The following PRIM2 variants were observed in gnomAD, a reference collection of about 807,000 sequenced individuals.
PRIM2 encodes the protein DNA primase subunit 2, also known as DNA primase large subunit.
PRIM2 carries 39 observed loss-of-function variants against 67.3 expected under a neutral mutation model. The ratio of observed to expected loss-of-function variants is 0.58; its 90% CI spans 0.45 to 0.76. PRIM2 has a LOEUF of 0.76. Ranked by LOEUF, PRIM2 falls within the 30% of genes least tolerant of loss-of-function variation. The pLI is 0.00. For synonymous variants in PRIM2, 143 were observed against 198.7 expected (o/e 0.72, Z 2.36); for missense variants, 398 against 598.7 (o/e 0.66, Z 3.50).
the PRIM2 span, among the ~76,000 whole-genome samples, chr6:57,269,241 G>A: frequency 6.6e-6 from 1 of 151,684 alleles, no homozygotes; most frequent in Non-Finnish European, 1.5e-5. Context: ...CTAGTTTACA[G>A]TCCCACCAAC....
At chr6:57,326,871 G>A (rs1767879416) in intron 5 of PRIM2, among the ~76,000 whole-genome samples, 1 of 149,270 alleles carries the variant, frequency 6.7e-6, no homozygotes, top group Non-Finnish European at 1.5e-5. Flanking sequence ...ATGGGGATGA[G>A]TATTGGAAAT....
At chr6:57,422,068 C>T (rs1292387730) in intron 7 of PRIM2, among the ~76,000 whole-genome samples, 13 of 151,370 alleles carry the variant, frequency 8.6e-5, no homozygotes, top group African/African-American at 2.2e-4. Context: ...TTTCATCAAA[C>T]GTACAGTTTA....
chr6:57,332,332 G>A (rs1768079965), intron 5 of PRIM2, among the ~76,000 whole-genome samples: 1 of 152,152 alleles, frequency 6.6e-6, no homozygotes, highest in South Asian at 2.1e-4. Flanking sequence ...TGTGAAGAAT[G>A]TGTATCTGCT....
At chr6:57,235,464 C>A in the PRIM2 span, among the ~76,000 whole-genome samples, 62 of 145,986 alleles carry the variant, frequency 4.2e-4, no homozygotes, top group East Asian at 4.1e-4. Context: ...AACTCCATTT[C>A]AAAAAAAAAA....
At chr6:57,445,285 G>T (rs1457080508) in intron 7 of PRIM2, among the ~76,000 whole-genome samples, 2 of 152,112 alleles carry the variant, frequency 1.3e-5, no homozygotes, top group Non-Finnish European at 2.9e-5. Context: ...GACCCTATCA[G>T]GGGACAGAGT....
At chr6:57,433,897 G>A (rs1376361803) in intron 7 of PRIM2, among the ~76,000 whole-genome samples, 1 of 150,404 alleles carries the variant, frequency 6.6e-6, no homozygotes, top group Admixed American at 6.6e-5. Flanking sequence ...TAATAGTTAT[G>A]TGGGACAAGC....
At chr6:57,393,331 T>C (rs1770420176) in intron 7 of PRIM2, among the ~76,000 whole-genome samples, 1 of 152,098 alleles carries the variant, frequency 6.6e-6, no homozygotes, top group South Asian at 2.1e-4. Flanking sequence ...TGTTTTTTGA[T>C]TTTGATTATG....
chr6:57,272,534 TG>T, the PRIM2 span, among the ~76,000 whole-genome samples: 1 of 152,210 alleles, frequency 6.6e-6, no homozygotes, highest in Non-Finnish European at 1.5e-5. Flanking sequence ...ACACATGAGA[TG>T]GGTTTCCTGA....
At chr6:57,610,777 C>T (rs1776653334) in intron 12 of PRIM2, among the ~76,000 whole-genome samples, 1 of 152,166 alleles carries the variant, frequency 6.6e-6, no homozygotes, top group African/African-American at 2.4e-5. Context: ...GACTTCAGCA[C>T]TCCTCTTAAT....
chr6:57,600,578 A>G (rs1462863778), intron 10 of PRIM2, among the ~76,000 whole-genome samples: 3 of 151,322 alleles, frequency 2.0e-5, no homozygotes, highest in African/African-American at 7.3e-5. Context: ...CTGGTCTTGA[A>G]CTCCTGGGCT....
At chr6:57,618,268 CA>C (rs1202785080) in intron 12 of PRIM2, among the ~76,000 whole-genome samples, 11 of 152,116 alleles carry the variant, frequency 7.2e-5, no homozygotes, top group African/African-American at 2.7e-4. Context: ...TTTATTTCTG[CA>C]AAAACAGCCA....
intron 7 of PRIM2, among the ~76,000 whole-genome samples, chr6:57,501,308 C>G (rs1554346855): frequency 3.3e-5 from 5 of 150,224 alleles, no homozygotes; most frequent in Admixed American, 6.6e-5. Context: ...GTTTTTTTTT[C>G]TTTTTTTGGA....
At chr6:57,607,366 G>C (rs1160732563) in intron 12 of PRIM2, among the ~76,000 whole-genome samples, 10,495 of 151,692 alleles carry the variant, frequency 0.069, 523 homozygotes, top group East Asian at 0.21. Flanking sequence ...CAAAACCAGT[G>C]TCTGAAAAAA....
chr6:57,272,435 A>T, the PRIM2 span, among the ~76,000 whole-genome samples: 1 of 152,070 alleles, frequency 6.6e-6, no homozygotes, highest in African/African-American at 2.4e-5. Context: ...TTTATCAGAG[A>T]CTAGGATTGC....
intron 7 of PRIM2, among the ~76,000 whole-genome samples, chr6:57,446,496 C>T (rs1286963871): frequency 6.9e-6 from 1 of 144,126 alleles, no homozygotes; most frequent in Non-Finnish European, 1.5e-5. Context: ...TCACTGCAAC[C>T]TGTGCTTTTT....
intron 10 of PRIM2, among the ~76,000 whole-genome samples, chr6:57,549,342 G>A (rs1263940691): frequency 5.6e-4 from 86 of 152,274 alleles, no homozygotes; most frequent in African/African-American, 1.9e-3. Flanking sequence ...GGCAGCAAAG[G>A]TGGCACATGA....
chr6:57,593,167 A>G (rs1776310388), intron 10 of PRIM2, among the ~76,000 whole-genome samples: 1 of 152,132 alleles, frequency 6.6e-6, no homozygotes, highest in Non-Finnish European at 1.5e-5. Flanking sequence ...TGTCTGGACT[A>G]ATTTGGAAGG....
chr6:57,410,855 TA>T (rs1462157051), intron 7 of PRIM2, among the ~76,000 whole-genome samples: 1 of 152,142 alleles, frequency 6.6e-6, no homozygotes, highest in East Asian at 1.9e-4. Flanking sequence ...TTAAGTGTGA[TA>T]TTACCTATTG....
Position 57,343,784 on chromosome 6 carries a change from A to G in PRIM2, c.459+17739A>G, listed in dbSNP as rs554080746. 8.7e-4 allele frequency among the ~76,000 whole-genome samples: 132 copies of G among 152,314 alleles called. 1 individual carries two copies. The highest frequency in any genetic ancestry group is 1.7e-3 in the Non-Finnish European group (116 of 68,030). ...AAAAAATTATTCATGTCATTTGTTA[A>G]GGATAGTAAGGAAGACTTTATTCAA... On this transcript the variant is annotated intron_variant, in intron 5 of 13. Coordinates refer to ENST00000615550, the MANE Select transcript of PRIM2 (RefSeq NM_000947.5).
Sources: gnomAD v4.1 joint callset for allele counts (sites outside exome capture counted in the v4.1 genomes callset) on GRCh38, gnomAD v4.1.1 for gene constraint, MANE v1.5 for transcripts, NCBI Gene and HGNC (gene_info 2026-07-23, HGNC 2026-07-21) for gene names.